Variants in FBXW2 observed in about 807,000 individuals in gnomAD.
FBXW2 encodes F-box and WD repeat domain containing 2, also known as F-box/WD repeat-containing protein 2.
FBXW2 carries 12 observed loss-of-function variants against 46.0 expected under a neutral mutation model. That is an observed-to-expected ratio of 0.26 (90% CI 0.17 to 0.42). The LOEUF is 0.42. Among genes scored for constraint, FBXW2 ranks in the 10% least tolerant of loss-of-function variants. The pLI is 1.00. For synonymous variants in FBXW2, 203 were observed against 209.6 expected, an observed-to-expected ratio of 0.97 and a Z score of 0.27; for missense variants, 360 against 537.0, an observed-to-expected ratio of 0.67 and a Z score of 3.26.
intron 2 of FBXW2, 22 bp from the exon 3 acceptor site, chr9:120,788,300 TA>T: frequency 6.3e-7 from 1 of 1,591,682 alleles, no homozygotes; most frequent in Non-Finnish European, 8.5e-7. Context: ...CAAAATATTG[TA>T]TTAGTTCTGC....
chr9:120,789,844 C>T (rs996409669), intron 2 of FBXW2, among the ~76,000 whole-genome samples: 3 of 152,174 alleles, frequency 2.0e-5, no homozygotes, highest in Non-Finnish European at 2.9e-5. Flanking sequence ...CCAAACCTTG[C>T]AATCACATCA....
chr9:120,782,633 G>T (rs1407060690), intron 3 of FBXW2, among the ~76,000 whole-genome samples: 1 of 152,088 alleles, frequency 6.6e-6, no homozygotes, highest in Non-Finnish European at 1.5e-5. Flanking sequence ...CTTAAGCCCA[G>T]GAGTTAGAGA....
intron 3 of FBXW2, among the ~76,000 whole-genome samples, chr9:120,782,023 C>CAA (rs35159726): frequency 1.2e-3 from 88 of 76,372 alleles, no homozygotes; most frequent in Non-Finnish European, 1.7e-3. Flanking sequence ...AACTCCGTCT[C>CAA]AAAAAAAAAA....
chr9:120,774,168 T>C (rs1318767226), intron 5 of FBXW2, among the ~76,000 whole-genome samples: 2 of 151,976 alleles, frequency 1.3e-5, no homozygotes, highest in African/African-American at 4.8e-5. Flanking sequence ...AAACTCCGTC[T>C]CTACTAAAAA....
chr9:120,766,467 T>G (rs1294251485), intron 7 of FBXW2, among the ~76,000 whole-genome samples: 2 of 152,088 alleles, frequency 1.3e-5, no homozygotes, highest in Non-Finnish European at 2.9e-5. Context: ...TTAATTATTT[T>G]TATTTATTTA....
chr9:120,767,659 A>G (rs1000062259), intron 7 of FBXW2, among the ~76,000 whole-genome samples: 1 of 152,206 alleles, frequency 6.6e-6, no homozygotes, highest in Non-Finnish European at 1.5e-5. Context: ...TCGGCAGTGA[A>G]TAAGACAAAG....
Position 120,772,290 on chromosome 9 carries a change from C to T in FBXW2, c.906+464G>A, listed in dbSNP as rs371294829. Among the ~76,000 whole-genome samples the T allele has an allele frequency of 1.2e-4, 18 of 151,872 alleles. No individual in the cohort carries two copies. In the East Asian group the frequency reaches 3.3e-3, roughly 28 times the overall value. ...CAGGCGGATCACAAGGTCAGGAGTTCGAGACCAGCCTGGCCAATATGGTGA... is the reference window on the plus strand; with the variant it reads ...CAGGCGGATCACAAGGTCAGGAGTTTGAGACCAGCCTGGCCAATATGGTGA... On this transcript the variant is annotated intron_variant, in intron 6 of 7. Coordinates refer to ENST00000608872, the MANE Select transcript of FBXW2 (RefSeq NM_012164.4).
Position 120,764,484 on chromosome 9 carries a change from C to G in FBXW2, c.*75G>C. On this transcript the variant is annotated 3_prime_UTR_variant, in exon 8 of 8. Transcript: ENST00000608872. ...AGGTGAGAACTTTGGTTCATGCAGT[C>G]GGCTGCCGCAGAGGTTGCACCCAAA... 1 of 1,492,158 alleles carries G rather than the reference C, an allele frequency of 6.7e-7. No homozygotes were observed. The highest frequency in any genetic ancestry group is 9.1e-7 in the Non-Finnish European group (1 of 1,093,036). 92.4% of individuals were successfully genotyped at this position (1,492,158 alleles called of 1,614,324 possible). A position where few individuals can be genotyped will look rare whatever the true frequency, so the allele number is the denominator to read the frequency against.
Position 120,787,910 on chromosome 9 carries a change from A to C in FBXW2, c.349T>G (p.Leu117Val). 1 of 1,614,208 alleles carries C rather than the reference A, an allele frequency of 6.2e-7. No individual in the cohort carries two copies. The highest frequency in any genetic ancestry group is 1.1e-5 in the South Asian group (1 of 91,084). ...TTCAAATAAACCTTCTTCCAGTGCA[A>C]AGCGTCCTGAACAGAATCATCTATC... ...WQIDDSVQDALHWKKVYLKAI... is the reference protein window; with the variant it reads ...WQIDDSVQDAVHWKKVYLKAI... Residue 117 changes from leucine (L) to valine (V), a missense_variant, in exon 3 of 8, where the codon TTG (leucine) becomes GTG (valine). Physicochemically the swap from Leu to Val is conservative, Grantham distance 32. Coordinates refer to ENST00000608872, the MANE Select transcript of FBXW2 (RefSeq NM_012164.4).
At chr9:120,783,644 C>G (rs1047262886) in intron 3 of FBXW2, among the ~76,000 whole-genome samples, 1 of 152,152 alleles carries the variant, frequency 6.6e-6, no homozygotes, top group Admixed American at 6.5e-5. Flanking sequence ...AGACTTTTAC[C>G]TCAGTCAGGT....
chr9:120,790,541 G>A (rs187433719), intron 2 of FBXW2, among the ~76,000 whole-genome samples: 1 of 152,268 alleles, frequency 6.6e-6, no homozygotes. Context: ...TTTTAACAGT[G>A]AAAAGTGTGG....
At position 120,763,518 on chromosome 9, in the gene FBXW2, C is replaced by G. The variant is rs902096179; in HGVS notation, c.*1041G>C. ...TTCTTCAACCAATTACTTAAACTGT[C>G]TAAGTGGAATCAGCTATATTTTCTA... On this transcript the variant is annotated 3_prime_UTR_variant, in exon 8 of 8. Transcript: ENST00000608872. 3 of 152,212 alleles carry G rather than the reference C, an allele frequency of 2.0e-5. No individual in the cohort carries two copies. The highest frequency in any genetic ancestry group is 1.3e-4 in the Admixed American group (2 of 15,288). The allele number at this position is 152,212 out of a possible 1,614,324, so 9.4% of individuals were successfully genotyped here. A position where few individuals can be genotyped will look rare whatever the true frequency, so the allele number is the denominator to read the frequency against.
rs1350917472 is a variant in FBXW2, at chr9:120,761,787, G to T, written c.*2772C>A. 6.6e-6 allele frequency: 1 copy of T among 151,858 alleles called. No individual in the cohort carries two copies. The highest frequency in any genetic ancestry group is 1.5e-5 in the Non-Finnish European group (1 of 67,980). The allele number at this position is 151,858 out of a possible 1,614,324, so 9.4% of individuals were successfully genotyped here. On this transcript the variant is annotated 3_prime_UTR_variant, in exon 8 of 8. Coordinates refer to ENST00000608872, the MANE Select transcript of FBXW2 (RefSeq NM_012164.4). ...TGATGATGCCACTGTACTCCAGCCT[G>T]TATGACAGAGCAAGACTGCCTAGGA...
Position 120,763,273 on chromosome 9 carries a change from G to A in FBXW2, c.*1286C>T, listed in dbSNP as rs1205777240. On this transcript the variant is annotated 3_prime_UTR_variant, in exon 8 of 8. Transcript: ENST00000608872. ...TCCCCAGAATGTTTTACTCATTTAT[G>A]TTACCTGCACGGCTCCCTTAGGCAT... 1 of 152,176 alleles carries A rather than the reference G, an allele frequency of 6.6e-6. No individual in the cohort carries two copies. Among genetic ancestry groups the A allele is most frequent in the Non-Finnish European group, 1.5e-5 (1 of 68,030 alleles). The allele number at this position is 152,176 out of a possible 1,614,324, so 9.4% of individuals were successfully genotyped here. A position where few individuals can be genotyped will look rare whatever the true frequency, so the allele number is the denominator to read the frequency against.
At chr9:120,767,036 T>C (rs2044287903) in intron 7 of FBXW2, among the ~76,000 whole-genome samples, 2 of 152,184 alleles carry the variant, frequency 1.3e-5, no homozygotes, top group African/African-American at 4.8e-5. Context: ...AACAGGAGTA[T>C]CAAGGAGTGA....
At chr9:120,773,701 T>C (rs1458100586) in intron 5 of FBXW2, among the ~76,000 whole-genome samples, 1 of 152,194 alleles carries the variant, frequency 6.6e-6, no homozygotes, top group Non-Finnish European at 1.5e-5. Flanking sequence ...AACAGACCTA[T>C]TACTAAGTAT....
rs1418356292 is a variant in FBXW2 at position 120,763,951 on chromosome 9, C to G, written c.*608G>C. On this transcript the variant is annotated 3_prime_UTR_variant, in exon 8 of 8. Transcript: ENST00000608872. Reference sequence around the variant, plus strand: ...TAAACATGGCCAACCTTGACTCTGCCAAGATATAAGGTTTAGAATGAGTTG... The same window carrying G: ...TAAACATGGCCAACCTTGACTCTGCGAAGATATAAGGTTTAGAATGAGTTG... The G allele has an allele frequency of 6.5e-6, 1 of 153,822 alleles. No individual in the cohort carries two copies. The highest frequency in any genetic ancestry group is 1.4e-5 in the Non-Finnish European group (1 of 69,220). The allele number at this position is 153,822 out of a possible 1,614,324, so 9.5% of individuals were successfully genotyped here. A position where few individuals can be genotyped will look rare whatever the true frequency, so the allele number is the denominator to read the frequency against.
intron 3 of FBXW2, among the ~76,000 whole-genome samples, chr9:120,778,914 T>G (rs1373210800): frequency 6.6e-6 from 1 of 152,256 alleles, no homozygotes; most frequent in African/African-American, 2.4e-5. Context: ...CATGACTGCA[T>G]GTTTACACTT....
In FBXW2 at chr9:120,764,423, T is replaced by A; in HGVS notation, c.*136A>T. The A allele has an allele frequency of 9.8e-7, 1 of 1,017,296 alleles. No individual in the cohort carries two copies. The highest frequency in any genetic ancestry group is 1.4e-6 in the Non-Finnish European group (1 of 691,300). The allele number at this position is 1,017,296 out of a possible 1,614,324, so 63.0% of individuals were successfully genotyped here. On this transcript the variant is annotated 3_prime_UTR_variant, in exon 8 of 8. Transcript: ENST00000608872. ...CCGAGCCCTGGCCCCTGGCAAAACA[T>A]AGATAAATGATTGTGCACTGCGTGA...
Sources: allele counts gnomAD v4.1 joint callset (sites outside exome capture counted in the v4.1 genomes callset), GRCh38; gene constraint gnomAD v4.1.1; transcripts MANE v1.5; gene names NCBI Gene and HGNC (gene_info 2026-07-23, HGNC 2026-07-21).